MYH11: variants seen among roughly 807,000 people sequenced by gnomAD.
The protein encoded by MYH11 is myosin-11.
In MYH11, 80 loss-of-function variants were observed where a neutral mutation model predicts 246.6. The observed-to-expected ratio is 0.32, with a 90% confidence interval of 0.27 to 0.39. The LOEUF is 0.39. Among genes scored for constraint, MYH11 ranks in the 10% least tolerant of loss-of-function variants. The pLI is 1.00. For synonymous variants in MYH11, 1,071 were observed against 1,015.5 expected, an observed-to-expected ratio of 1.05 and a Z score of -1.04; for missense variants, 2,158 against 2,546.8, an observed-to-expected ratio of 0.85 and a Z score of 3.29.
chr16:15,834,969 T>A (rs2043853303), intron 2 of MYH11, among the ~76,000 whole-genome samples: 1 of 146,524 alleles, frequency 6.8e-6, no homozygotes, highest in African/African-American at 2.5e-5. Flanking sequence ...GGTCCACAGC[T>A]ACTCAGGAGG....
At chr16:15,742,977 A>G (rs929683511) in intron 20 of MYH11, among the ~76,000 whole-genome samples, 1 of 148,368 alleles carries the variant, frequency 6.7e-6, no homozygotes, top group African/African-American at 2.5e-5. Flanking sequence ...ACAGTGTCCA[A>G]CTAGACAGCT....
intron 4 of MYH11, among the ~76,000 whole-genome samples, chr16:15,795,261 C>T (rs1198084271): frequency 1.3e-5 from 2 of 151,438 alleles, no homozygotes. Context: ...CCACTGCACT[C>T]CAGCCTGGGC....
Position 15,703,333 on chromosome 16 carries a change from A to T in MYH11, c.*658T>A, listed in dbSNP as rs902933088. 16 of 231,504 alleles carry T rather than the reference A, an allele frequency of 6.9e-5. No individual in the cohort carries two copies. The East Asian group carries it at 1.0e-3, about 15-fold the overall frequency. 14.3% of individuals were successfully genotyped at this position (231,504 alleles called of 1,614,324 possible). A position where few individuals can be genotyped will look rare whatever the true frequency, so the allele number is the denominator to read the frequency against. On this transcript the variant is annotated 3_prime_UTR_variant, in exon 41 of 41. Coordinates refer to ENST00000300036, the MANE Select transcript of MYH11 (RefSeq NM_002474.3). ...AAAGAATTCTCAAAGGCCTGACGTGAGAAGTTGGAAAGGTTTGCAGGTTAG... is the reference window on the plus strand; with the variant it reads ...AAAGAATTCTCAAAGGCCTGACGTGTGAAGTTGGAAAGGTTTGCAGGTTAG...
rs191562149 is a variant in MYH11, at chr16:15,703,978, T to C, written c.*13A>G. On this transcript the variant is annotated 3_prime_UTR_variant, in exon 41 of 41. Coordinates refer to ENST00000300036, the MANE Select transcript of MYH11 (RefSeq NM_002474.3). ...TGGTTTTCTTGCCGTGGTGCAAAAC[T>C]GTAGAAAGTTGCTTATTCACTGGCC... 1.8e-4 allele frequency: 288 copies of C among 1,614,068 alleles called. 1 individual carries two copies. In the Admixed American group the frequency reaches 4.6e-3, roughly 26 times the overall value.
chr16:15,756,052 C>T (rs2041705238), intron 14 of MYH11, among the ~76,000 whole-genome samples: 1 of 152,194 alleles, frequency 6.6e-6, no homozygotes, highest in Non-Finnish European at 1.5e-5. Context: ...GAGCTATGAT[C>T]GCACCACTGC....
rs72772018 is a variant in MYH11, at chr16:15,716,445, C to T, written c.5504+695G>A. 9.2e-3 allele frequency among the ~76,000 whole-genome samples: 1,398 copies of T among 152,218 alleles called. 14 individuals carry two copies. Among genetic ancestry groups the T allele is most frequent in the South Asian group, 0.039 (190 of 4,820 alleles). Reference sequence around the variant, plus strand: ...ATGTGCTGTGATCATATGCCTCATTCGACCCATAATTAAGAAGGCTTCCAG... The same window carrying T: ...ATGTGCTGTGATCATATGCCTCATTTGACCCATAATTAAGAAGGCTTCCAG... On this transcript the variant is annotated intron_variant, in intron 38 of 40. Coordinates refer to ENST00000300036, the MANE Select transcript of MYH11 (RefSeq NM_002474.3).
intron 27 of MYH11, among the ~76,000 whole-genome samples, chr16:15,732,206 A>T (rs1469023521): frequency 6.6e-6 from 1 of 151,664 alleles, no homozygotes; most frequent in Non-Finnish European, 1.5e-5. Context: ...CAGGTGATCC[A>T]CCCAGTTTGG....
chr16:15,735,209 A>T (rs1391982717), intron 26 of MYH11, among the ~76,000 whole-genome samples, 157 bp downstream of exon 26: 1 of 151,818 alleles, frequency 6.6e-6, no homozygotes, highest in East Asian at 1.9e-4. Flanking sequence ...AAAAAAAGAA[A>T]CAGCCAACCA....
At chr16:15,718,988 C>T (rs2040320669) in intron 36 of MYH11, 8 of 551,728 alleles carry the variant, frequency 1.4e-5, no homozygotes, top group Non-Finnish European at 2.6e-5. Flanking sequence ...ATTAGCCAGG[C>T]ATGGTGGTAC....
chr16:15,735,340 G>C (rs1195840301), intron 26 of MYH11, 26 bp downstream of exon 26: 3 of 1,611,814 alleles, frequency 1.9e-6, no homozygotes, highest in African/African-American at 1.3e-5. Context: ...GGGATAGCAG[G>C]ATGGTGGGAT....
Position 15,837,971 on chromosome 16 carries a change from C to A in MYH11, c.282G>T (p.Thr94=), listed in dbSNP as rs759914132. The A allele has an allele frequency of 2.5e-6, 4 of 1,614,150 alleles. No individual in the cohort carries two copies. In the Admixed American group the frequency reaches 6.7e-5, roughly 27 times the overall value. Residue 94 remains threonine (T), a synonymous_variant, in exon 2 of 41, where the codon ACG becomes ACT. Coordinates refer to ENST00000300036, the MANE Select transcript of MYH11 (RefSeq NM_002474.3). ...FSKVEDMAEL[T]CLNEASVLHN... is the part of the protein sequence containing the mutation. ...GTAGCACGGAGGCTTCGTTGAGGCA[C>A]GTCAGCTCCGCCATGTCCTCCACCT...
chr16:15,834,712 CAG>C (rs1465471180), intron 2 of MYH11, among the ~76,000 whole-genome samples: 1 of 152,010 alleles, frequency 6.6e-6, no homozygotes, highest in African/African-American at 2.4e-5. Context: ...ATTTTTAACT[CAG>C]GGGATGCTGT....
At chr16:15,824,843 G>A (rs2633506) in intron 2 of MYH11, among the ~76,000 whole-genome samples, 77,966 of 151,720 alleles carry the variant, frequency 0.51, 22,864 homozygotes, top group African/African-American at 0.82. Context: ...GCATCTCCTC[G>A]TGGCATCTTC....
At chr16:15,815,656 C>A (rs12691049) in intron 3 of MYH11, among the ~76,000 whole-genome samples, 79,798 of 151,982 alleles carry the variant, frequency 0.53, 23,789 homozygotes, top group African/African-American at 0.82. Flanking sequence ...TGTGGACACA[C>A]GTTTATAGAT....
chr16:15,763,630 G>A (rs1164369194), intron 10 of MYH11, among the ~76,000 whole-genome samples, 166 bp downstream of exon 10: 1 of 151,682 alleles, frequency 6.6e-6, no homozygotes, highest in East Asian at 1.9e-4. Flanking sequence ...TTCCACATAG[G>A]GTCTTGAGCA....
chr16:15,765,180 A>G (rs2041954416), intron 9 of MYH11, among the ~76,000 whole-genome samples: 1 of 151,830 alleles, frequency 6.6e-6, no homozygotes, highest in Admixed American at 6.6e-5. Flanking sequence ...TGGATAGAGG[A>G]TGGGTTCATG....
chr16:15,800,698 C>G (rs1271384432), intron 3 of MYH11, among the ~76,000 whole-genome samples: 1 of 151,780 alleles, frequency 6.6e-6, no homozygotes, highest in African/African-American at 2.4e-5. Context: ...AAAGAGATGA[C>G]TCTTTCTTCC....
At chr16:15,741,290 G>C in intron 22 of MYH11, 173 bp downstream of exon 22, 1 of 753,302 alleles carries the variant, frequency 1.3e-6, no homozygotes, top group Non-Finnish European at 2.3e-6. Context: ...GGCTCACTGT[G>C]TTCCAGTCCC....
In MYH11 at chr16:15,742,459, C is replaced by T. The variant is rs537982198; in HGVS notation, c.2521-568G>A. 6.6e-5 allele frequency among the ~76,000 whole-genome samples: 10 copies of T among 152,240 alleles called. No individual in the cohort carries two copies. In the South Asian group the frequency reaches 1.9e-3, roughly 28 times the overall value. ...TTTTATTATTTAAAATTATATGATA[C>T]AGACAGGAACAGTGATGCATGCCTG... On this transcript the variant is annotated intron_variant, in intron 20 of 40. Transcript: ENST00000300036.
Sources: allele counts gnomAD v4.1 joint callset (sites outside exome capture counted in the v4.1 genomes callset), GRCh38; gene constraint gnomAD v4.1.1; transcripts MANE v1.5; gene names NCBI Gene and HGNC (gene_info 2026-07-23, HGNC 2026-07-21).